ERBB4: variants seen among roughly 807,000 people sequenced by gnomAD.
The protein encoded by ERBB4 is receptor tyrosine-protein kinase erbB-4.
A neutral mutation model predicts 158.0 loss-of-function variants in ERBB4; 42 were observed. The ratio of observed to expected loss-of-function variants is 0.27; its 90% CI spans 0.21 to 0.34. The LOEUF (loss-of-function observed/expected upper bound fraction) is 0.34. Among genes scored for constraint, ERBB4 ranks in the 10% least tolerant of loss-of-function variants. ERBB4 has a pLI of 1.00. For synonymous variants in ERBB4, 583 were observed against 558.7 expected (o/e 1.04, Z -0.61); for missense variants, 1,333 against 1,624.1 (o/e 0.82, Z 3.08).
chr2:212,462,866 CAGAT>C (rs1688644160), intron 1 of ERBB4, among the ~76,000 whole-genome samples: 2 of 151,900 alleles, frequency 1.3e-5, no homozygotes, highest in African/African-American at 4.8e-5. Flanking sequence ...TATCTATTAA[CAGAT>C]AAATAAATAA....
intron 16 of ERBB4, among the ~76,000 whole-genome samples, chr2:211,654,584 T>C (rs926222740): frequency 1.3e-5 from 2 of 152,220 alleles, no homozygotes; most frequent in South Asian, 2.1e-4. Flanking sequence ...AAAGTGATTA[T>C]TATGCCAACA....
rs141772340 is a variant in ERBB4, at chr2:212,030,025, T to C, written c.235-82409A>G. Among the ~76,000 whole-genome samples, 37 of 152,286 alleles carry C rather than the reference T, an allele frequency of 2.4e-4. No homozygotes were observed. The East Asian group carries it at 5.0e-3, about 21-fold the overall frequency. ...CCAGGCTGTGACTATTTCACATAAA[T>C]AGCACTTGTTGGGCTTACACAAAGG... On this transcript the variant is annotated intron_variant, in intron 2 of 27. Coordinates refer to ENST00000342788, the MANE Select transcript of ERBB4 (RefSeq NM_005235.3).
At chr2:211,855,599 C>T (rs1023503070) in intron 3 of ERBB4, among the ~76,000 whole-genome samples, 69 of 152,200 alleles carry the variant, frequency 4.5e-4, no homozygotes, top group African/African-American at 1.7e-3. Context: ...TTTTCTCCTC[C>T]AATACCAATT....
chr2:211,620,458 A>C (rs956397971), intron 18 of ERBB4, among the ~76,000 whole-genome samples: 1 of 152,212 alleles, frequency 6.6e-6, no homozygotes, highest in Admixed American at 6.5e-5. Flanking sequence ...TCAAAGTTGC[A>C]GTATCATCAG....
At chr2:211,673,333 A>T in intron 13 of ERBB4, 76 bp from the exon 14 acceptor site, 4 of 1,012,622 alleles carry the variant, frequency 4.0e-6, no homozygotes, top group Non-Finnish European at 4.7e-6. Flanking sequence ...CATCTGCTAA[A>T]AGTCCTATTG....
chr2:211,599,620 C>T (rs1016084998), intron 19 of ERBB4, among the ~76,000 whole-genome samples: 8 of 150,938 alleles, frequency 5.3e-5, no homozygotes, highest in Non-Finnish European at 8.8e-5. Flanking sequence ...CTTCTTTCAC[C>T]TTGGTAATCT....
intron 1 of ERBB4, among the ~76,000 whole-genome samples, chr2:212,431,376 A>C (rs1223844712): frequency 1.3e-5 from 2 of 149,526 alleles, no homozygotes; most frequent in South Asian, 2.1e-4. Context: ...ATTTCATATC[A>C]TATCTCTCAG....
chr2:211,753,854 ATTTTT>A (rs1047804300), intron 4 of ERBB4, among the ~76,000 whole-genome samples: 389 of 121,302 alleles, frequency 3.2e-3, no homozygotes, highest in African/African-American at 0.012. Context: ...AAAAGTCCTG[ATTTTT>A]TTTTTTTTTT....
chr2:212,444,215 T>C (rs2092307250), intron 1 of ERBB4, among the ~76,000 whole-genome samples: 1 of 152,166 alleles, frequency 6.6e-6, no homozygotes, highest in African/African-American at 2.4e-5. Context: ...CTGCACAATA[T>C]GCAAGCACTA....
intron 1 of ERBB4, among the ~76,000 whole-genome samples, chr2:212,510,616 C>T (rs1258223234): frequency 6.6e-6 from 1 of 151,890 alleles, no homozygotes; most frequent in Admixed American, 6.6e-5. Context: ...TATGAAAATC[C>T]TTAACTAATA....
intron 3 of ERBB4, among the ~76,000 whole-genome samples, chr2:211,795,637 A>C (rs2076367318): frequency 6.6e-6 from 1 of 151,896 alleles, no homozygotes; most frequent in Non-Finnish European, 1.5e-5. Flanking sequence ...CTTCAATACA[A>C]GAGGAGTTTC....
intron 2 of ERBB4, among the ~76,000 whole-genome samples, chr2:212,117,242 A>G (rs186912991): frequency 4.1e-4 from 62 of 152,334 alleles, no homozygotes; most frequent in African/African-American, 1.5e-3. Flanking sequence ...CAGTATCTAA[A>G]TATGTAACAT....
At chr2:211,535,825 A>C (rs2066635805) in intron 20 of ERBB4, 1 of 152,096 alleles carries the variant, frequency 6.6e-6, no homozygotes, top group Admixed American at 6.6e-5. Flanking sequence ...TAGCCGATTA[A>C]AAACTAATTT....
At chr2:212,369,361 A>G (rs920404151) in intron 1 of ERBB4, among the ~76,000 whole-genome samples, 4 of 152,136 alleles carry the variant, frequency 2.6e-5, no homozygotes, top group African/African-American at 9.7e-5. Context: ...TGACCCTGGT[A>G]CGCATTTGAC....
intron 1 of ERBB4, among the ~76,000 whole-genome samples, chr2:212,399,833 C>T (rs922160377): frequency 3.3e-5 from 5 of 151,502 alleles, no homozygotes; most frequent in African/African-American, 1.2e-4. Flanking sequence ...GAGCCGAGAT[C>T]GTGCCACTGC....
At chr2:212,446,591 G>GTATGTA (rs1303302858) in intron 1 of ERBB4, among the ~76,000 whole-genome samples, 4 of 27,516 alleles carry the variant, frequency 1.5e-4, no homozygotes, top group South Asian at 1.4e-3. Context: ...ATATATATAT[G>GTATGTA]TATATATATA....
chr2:212,258,294 A>G (rs1294641063), intron 1 of ERBB4, among the ~76,000 whole-genome samples: 3 of 151,928 alleles, frequency 2.0e-5, no homozygotes, highest in African/African-American at 7.2e-5. Flanking sequence ...TTTTAGTTAC[A>G]TTAACAAAAA....
chr2:212,069,611 T>C (rs183768607), intron 2 of ERBB4, among the ~76,000 whole-genome samples: 90 of 152,128 alleles, frequency 5.9e-4, no homozygotes, highest in African/African-American at 2.1e-3. Context: ...AACATTCAGA[T>C]TGGAATGAAG....
chr2:211,991,070 A>G (rs2082064196), intron 2 of ERBB4, among the ~76,000 whole-genome samples: 1 of 152,004 alleles, frequency 6.6e-6, no homozygotes, highest in African/African-American at 2.4e-5. Flanking sequence ...ACAAGCCATT[A>G]AAATTCAATT....
Sources: allele counts gnomAD v4.1 joint callset (sites outside exome capture counted in the v4.1 genomes callset), GRCh38; gene constraint gnomAD v4.1.1; transcripts MANE v1.5; gene names NCBI Gene and HGNC (gene_info 2026-07-23, HGNC 2026-07-21).